The following NOVA1 variants were observed in gnomAD, a reference collection of about 807,000 sequenced individuals.
The protein encoded by NOVA1 is NOVA alternative splicing regulator 1, also known as RNA-binding protein Nova-1.
NOVA1 carries 7 observed loss-of-function variants against 38.0 expected under a neutral mutation model. The ratio of observed to expected loss-of-function variants is 0.18; its 90% CI spans 0.10 to 0.35. NOVA1 has a LOEUF of 0.35. NOVA1 is among the 10% of genes least tolerant of loss of function. NOVA1 has a pLI of 1.00. For missense variants in NOVA1, 460 were observed against 616.0 expected (o/e 0.75, Z 2.68); for synonymous variants, 270 against 232.5 (o/e 1.16, Z -1.47).
At chr14:26,497,050 T>C (rs1443148644) in intron 2 of NOVA1, among the ~76,000 whole-genome samples, 5 of 152,174 alleles carry the variant, frequency 3.3e-5, no homozygotes, top group African/African-American at 1.2e-4. Context: ...GGTAGCTTGA[T>C]GGGGATGGCA....
At chr14:26,555,940 AAACT>A (rs1304424010) in intron 2 of NOVA1, among the ~76,000 whole-genome samples, 4 of 152,300 alleles carry the variant, frequency 2.6e-5, no homozygotes, top group African/African-American at 7.2e-5. Context: ...GTTCAATATA[AAACT>A]AACAAAATAT....
intron 2 of NOVA1, among the ~76,000 whole-genome samples, chr14:26,501,046 G>A (rs186594220): frequency 7.9e-5 from 12 of 151,860 alleles, no homozygotes; most frequent in African/African-American, 2.9e-4. Flanking sequence ...ATTTTTGCAT[G>A]TCAAACCTCT....
chr14:26,555,396 GATGTTT>G (rs1284896646), intron 2 of NOVA1, among the ~76,000 whole-genome samples: 2 of 151,946 alleles, frequency 1.3e-5, no homozygotes, highest in Non-Finnish European at 2.9e-5. Flanking sequence ...CTATTACATT[GATGTTT>G]ATAACTGTTC....
chr14:26,506,685 T>G (rs1311115583), intron 2 of NOVA1, among the ~76,000 whole-genome samples: 1 of 152,046 alleles, frequency 6.6e-6, no homozygotes, highest in African/African-American at 2.4e-5. Flanking sequence ...GTTCAAGGGA[T>G]TCTCCTGTAT....
intron 2 of NOVA1, among the ~76,000 whole-genome samples, chr14:26,495,613 A>AT (rs1461798951): frequency 5.8e-4 from 87 of 150,474 alleles, no homozygotes; most frequent in Non-Finnish European, 1.1e-3. Flanking sequence ...ATCATCTAGC[A>AT]TTAGGTATAT....
chr14:26,502,828 AATG>A (rs1164292134), intron 2 of NOVA1, among the ~76,000 whole-genome samples: 2 of 152,070 alleles, frequency 1.3e-5, no homozygotes, highest in East Asian at 3.8e-4. Context: ...TGATACATAC[AATG>A]ATAACACTAG....
chr14:26,587,055 AC>A, intron 2 of NOVA1, among the ~76,000 whole-genome samples: 1 of 151,048 alleles, frequency 6.6e-6, no homozygotes. Context: ...CCACAATTGC[AC>A]CACAAATTCA....
At chr14:26,533,775 C>T (rs1401168479) in intron 2 of NOVA1, among the ~76,000 whole-genome samples, 1 of 152,136 alleles carries the variant, frequency 6.6e-6, no homozygotes, top group Non-Finnish European at 1.5e-5. Context: ...TCTTTGCATG[C>T]ACAGCACCTA....
intron 2 of NOVA1, among the ~76,000 whole-genome samples, chr14:26,548,843 A>G (rs1475336204): frequency 6.6e-6 from 1 of 152,050 alleles, no homozygotes; most frequent in Admixed American, 6.6e-5. Context: ...ACAGTGGCTC[A>G]CACCTATAAT....
At chr14:26,575,055 A>C (rs1269314009) in intron 2 of NOVA1, among the ~76,000 whole-genome samples, 1 of 152,210 alleles carries the variant, frequency 6.6e-6, no homozygotes, top group African/African-American at 2.4e-5. Context: ...GCAAACACGT[A>C]CTACTGTTTA....
chr14:26,552,322 C>T (rs895631853), intron 2 of NOVA1, among the ~76,000 whole-genome samples: 3 of 151,820 alleles, frequency 2.0e-5, no homozygotes, highest in Non-Finnish European at 4.4e-5. Context: ...AAGGAATTTT[C>T]GAATGTTTTA....
At chr14:26,574,274 CCCCCCCG>C (rs1566550194) in intron 2 of NOVA1, among the ~76,000 whole-genome samples, 1 of 96,250 alleles carries the variant, frequency 1.0e-5, no homozygotes, top group East Asian at 4.2e-4. Flanking sequence ...TCCACCCCCC[CCCCCCCG>C]CCCCCTCGGC....
intron 1 of NOVA1, chr14:26,596,701 A>AC: frequency 7.8e-7 from 1 of 1,287,194 alleles, no homozygotes; most frequent in Non-Finnish European, 1.0e-6. Flanking sequence ...CGTTCCAGAC[A>AC]CCCCCACCCT....
chr14:26,465,302 G>A (rs1416046602), intron 4 of NOVA1, among the ~76,000 whole-genome samples: 1 of 152,076 alleles, frequency 6.6e-6, no homozygotes, highest in African/African-American at 2.4e-5. Flanking sequence ...AGCCTCCTGA[G>A]CAGCTGGGAT....
rs1881914028 is a variant in NOVA1 at position 26,444,399 on chromosome 14, C to A, written c.*3560G>T. 6.6e-6 allele frequency: 1 copy of A among 152,044 alleles called. No individual in the cohort carries two copies. Among genetic ancestry groups the A allele is most frequent in the Admixed American group, 6.6e-5 (1 of 15,240 alleles). 9.4% of individuals were successfully genotyped at this position (152,044 alleles called of 1,614,324 possible). A position where few individuals can be genotyped will look rare whatever the true frequency, so the allele number is the denominator to read the frequency against. ...ATATAAATATATAATACAGGACTTG[C>A]TAACCTCTGTTAACCATCTGAATGC... is the stretch of plus-strand genomic sequence containing the variant. On this transcript the variant is annotated 3_prime_UTR_variant, in exon 5 of 5. Coordinates refer to ENST00000539517, the MANE Select transcript of NOVA1 (RefSeq NM_002515.3).
intron 1 of NOVA1, 25 bp from the exon 2 acceptor site, chr14:26,595,578 C>T (rs777505774): frequency 2.5e-6 from 4 of 1,602,690 alleles, no homozygotes; most frequent in Admixed American, 3.4e-5. Flanking sequence ...GAAATATACT[C>T]GGTTAACACA....
At chr14:26,502,952 C>T (rs1887349362) in intron 2 of NOVA1, among the ~76,000 whole-genome samples, 1 of 151,850 alleles carries the variant, frequency 6.6e-6, no homozygotes, top group African/African-American at 2.4e-5. Flanking sequence ...GTTTTTTCTC[C>T]TAATTGAGGA....
At chr14:26,503,293 G>A (rs925727302) in intron 2 of NOVA1, among the ~76,000 whole-genome samples, 9 of 151,592 alleles carry the variant, frequency 5.9e-5, no homozygotes, top group South Asian at 2.1e-4. Context: ...TGAATCTCAC[G>A]CACACACCCA....
At chr14:26,572,743 T>C (rs1236610922) in intron 2 of NOVA1, among the ~76,000 whole-genome samples, 1 of 151,058 alleles carries the variant, frequency 6.6e-6, no homozygotes, top group African/African-American at 2.4e-5. Context: ...TGTGTGTGTG[T>C]GTGTGTGTGT....
Sources: gnomAD v4.1 joint callset for allele counts (sites outside exome capture counted in the v4.1 genomes callset) on GRCh38, gnomAD v4.1.1 for gene constraint, MANE v1.5 for transcripts, NCBI Gene and HGNC (gene_info 2026-07-23, HGNC 2026-07-21) for gene names.